Variants in FGGY observed in about 807,000 individuals in gnomAD.
FGGY encodes FGGY carbohydrate kinase domain-containing protein.
Under a neutral mutation model 71.3 loss-of-function variants are expected in FGGY, and 72 were observed. That is an observed-to-expected ratio of 1.01 (90% CI 0.84 to 1.23). The LOEUF (loss-of-function observed/expected upper bound fraction) is 1.23. FGGY is among the 50% of genes most tolerant of loss of function. The pLI, the probability that FGGY is intolerant of heterozygous loss-of-function variation, is 0.00. For missense variants in FGGY, 668 were observed against 682.3 expected (o/e 0.98, Z 0.23); for synonymous variants, 251 against 250.3 (o/e 1.00, Z -0.02).
intron 4 of FGGY, among the ~76,000 whole-genome samples, chr1:59,376,776 C>G (rs996504756): frequency 6.6e-6 from 1 of 152,116 alleles, no homozygotes; most frequent in Non-Finnish European, 1.5e-5. Flanking sequence ...CTTATAATTC[C>G]TTTTATAGCT....
chr1:59,498,527 A>G (rs1015909318), intron 6 of FGGY, among the ~76,000 whole-genome samples: 7 of 152,136 alleles, frequency 4.6e-5, no homozygotes, highest in Non-Finnish European at 7.4e-5. Flanking sequence ...ACTCTAATGC[A>G]GGGCTCTTCA....
At chr1:59,313,814 G>T (rs551662090) in intron 1 of FGGY, among the ~76,000 whole-genome samples, 31 of 152,272 alleles carry the variant, frequency 2.0e-4, no homozygotes, top group African/African-American at 7.5e-4. Context: ...GGGAAAGAGC[G>T]GGAAGGGAGT....
upstream of FGGY, chr1:59,296,646 TTTACAGGG>T (rs2041992931): frequency 7.2e-6 from 1 of 139,406 alleles, no homozygotes; most frequent in East Asian, 2.1e-4. Flanking sequence ...CAGGCCGCGC[TTTACAGGG>T]GCCGCGCTTT....
chr1:59,560,714 C>T (rs2095776985), intron 8 of FGGY, among the ~76,000 whole-genome samples: 1 of 151,896 alleles, frequency 6.6e-6, no homozygotes, highest in South Asian at 2.1e-4. Flanking sequence ...AGCTCAGGCA[C>T]ATTGAGAAAG....
At chr1:59,676,442 T>C (rs561276647) in intron 14 of FGGY, among the ~76,000 whole-genome samples, 3 of 151,694 alleles carry the variant, frequency 2.0e-5, no homozygotes, top group Non-Finnish European at 2.9e-5. Flanking sequence ...AATCAGGAGA[T>C]AGTCTGTAGC....
chr1:59,486,305 T>C (rs1251643565), intron 6 of FGGY, among the ~76,000 whole-genome samples: 1 of 152,156 alleles, frequency 6.6e-6, no homozygotes, highest in Non-Finnish European at 1.5e-5. Context: ...GCTTGATATG[T>C]GGCTAGCAAC....
At chr1:59,423,025 C>G (rs1234641046) in intron 5 of FGGY, among the ~76,000 whole-genome samples, 1 of 152,174 alleles carries the variant, frequency 6.6e-6, no homozygotes, top group African/African-American at 2.4e-5. Flanking sequence ...TGCCAGGCAG[C>G]CTTTCCGAAC....
chr1:59,550,612 A>G (rs896035379), intron 7 of FGGY, among the ~76,000 whole-genome samples: 2 of 152,176 alleles, frequency 1.3e-5, no homozygotes, highest in African/African-American at 4.8e-5. Context: ...AAGGACCTCC[A>G]TTTGTAATTC....
At chr1:59,587,523 G>C (rs2096326440) in intron 8 of FGGY, among the ~76,000 whole-genome samples, 1 of 152,154 alleles carries the variant, frequency 6.6e-6, no homozygotes, top group African/African-American at 2.4e-5. Flanking sequence ...TGACCCCCAA[G>C]CAGCCTAACT....
chr1:59,397,061 G>A (rs561814631), intron 5 of FGGY, among the ~76,000 whole-genome samples: 1 of 150,968 alleles, frequency 6.6e-6, no homozygotes, highest in African/African-American at 2.4e-5. Context: ...TAAAAGAAAG[G>A]TATCTAAAAG....
rs866041209 is a variant in FGGY, at chr1:59,661,352, G to A, written c.1296+1059G>A. Among the ~76,000 whole-genome samples, 6 of 152,188 alleles carry A rather than the reference G, an allele frequency of 3.9e-5. No homozygotes were observed. The Middle Eastern group carries it at 0.01, about 261-fold the overall frequency. ...GATAGTAATAATACTAATACTGAAG[G>A]GATATAACTTCTTTAATGCAACTAC... is the stretch of plus-strand genomic sequence containing the variant. On this transcript the variant is annotated intron_variant, in intron 12 of 15. Transcript: ENST00000303721.
chr1:59,678,078 A>G (rs2097454616), intron 14 of FGGY, among the ~76,000 whole-genome samples: 1 of 152,254 alleles, frequency 6.6e-6, no homozygotes. Flanking sequence ...TTTACTAAAG[A>G]GAACAGTCTC....
intron 8 of FGGY, among the ~76,000 whole-genome samples, chr1:59,575,351 C>T (rs1358593988): frequency 6.6e-6 from 1 of 152,114 alleles, no homozygotes; most frequent in Non-Finnish European, 1.5e-5. Context: ...TAAGTGAAAT[C>T]GTGCAGTATT....
intron 5 of FGGY, among the ~76,000 whole-genome samples, chr1:59,411,113 CACACAAT>C (rs1199065866): frequency 1.3e-5 from 2 of 152,212 alleles, no homozygotes; most frequent in Non-Finnish European, 2.9e-5. Context: ...AATCTAGGAT[CACACAAT>C]ACATTTACTA....
chr1:59,603,505 T>C (rs1017238861), intron 8 of FGGY, among the ~76,000 whole-genome samples: 1 of 152,196 alleles, frequency 6.6e-6, no homozygotes, highest in African/African-American at 2.4e-5. Flanking sequence ...TAACATATAA[T>C]AAACCATTGA....
intron 14 of FGGY, among the ~76,000 whole-genome samples, chr1:59,709,772 A>G (rs1222053657): frequency 2.0e-5 from 3 of 152,340 alleles, no homozygotes; most frequent in Admixed American, 6.5e-5. Flanking sequence ...ATGAAAATGT[A>G]GGTCCCTGAC....
At chr1:59,539,178 T>G (rs781724615) in intron 7 of FGGY, among the ~76,000 whole-genome samples, 6 of 152,172 alleles carry the variant, frequency 3.9e-5, no homozygotes, top group Non-Finnish European at 7.4e-5. Flanking sequence ...AACAGTATTA[T>G]AAATGTGACA....
At chr1:59,396,553 C>G (rs2061348572) in intron 5 of FGGY, among the ~76,000 whole-genome samples, 1 of 152,092 alleles carries the variant, frequency 6.6e-6, no homozygotes, top group Non-Finnish European at 1.5e-5. Flanking sequence ...GTAGCAGAAT[C>G]AGTGAGTGGG....
At chr1:59,332,647 A>G (rs2048720187) in intron 2 of FGGY, among the ~76,000 whole-genome samples, 1 of 152,216 alleles carries the variant, frequency 6.6e-6, no homozygotes, top group Non-Finnish European at 1.5e-5. Context: ...TGTTTGAAAG[A>G]TAGAGACGCT....
Sources: allele counts gnomAD v4.1 joint callset (sites outside exome capture counted in the v4.1 genomes callset), GRCh38; gene constraint gnomAD v4.1.1; transcripts MANE v1.5; gene names NCBI Gene and HGNC (gene_info 2026-07-23, HGNC 2026-07-21).